The following DGKI variants were observed in gnomAD, a reference collection of about 807,000 sequenced individuals.
DGKI encodes DAG kinase iota.
DGKI carries 55 observed loss-of-function variants against 147.5 expected under a neutral mutation model. The ratio of observed to expected loss-of-function variants is 0.37; its 90% confidence interval spans 0.30 to 0.47. The LOEUF is 0.47. Ranked by LOEUF, DGKI falls within the 20% of genes least tolerant of loss-of-function variation. The probability of loss-of-function intolerance (pLI) is 1.00; values close to 1 mark genes in which losing one functional copy is unlikely to be tolerated. For synonymous variants in DGKI, 469 were observed against 477.1 expected (o/e 0.98, Z 0.22); for missense variants, 1,007 against 1,323.8 (o/e 0.76, Z 3.71).
At chr7:137,529,791 C>A (rs1817277933) in intron 20 of DGKI, among the ~76,000 whole-genome samples, 1 of 152,168 alleles carries the variant, frequency 6.6e-6, no homozygotes, top group African/African-American at 2.4e-5. Context: ...TGTCGCCCAC[C>A]CAGGCTGGAG....
intron 29 of DGKI, among the ~76,000 whole-genome samples, chr7:137,411,225 G>T (rs1398076399): frequency 1.3e-5 from 2 of 152,206 alleles, no homozygotes; most frequent in African/African-American, 4.8e-5. Context: ...ATACAGAGCA[G>T]ATCAGTTCCA....
At chr7:137,723,952 C>T (rs565592984) in intron 1 of DGKI, among the ~76,000 whole-genome samples, 20 of 151,954 alleles carry the variant, frequency 1.3e-4, no homozygotes, top group Non-Finnish European at 2.4e-4. Context: ...TTGTGATCCG[C>T]CCACCTCGGC....
At chr7:137,789,783 T>C (rs1439108129) in intron 1 of DGKI, among the ~76,000 whole-genome samples, 1 of 152,194 alleles carries the variant, frequency 6.6e-6, no homozygotes, top group Non-Finnish European at 1.5e-5. Context: ...TCCAACCTTA[T>C]TCTAAGGAGT....
At chr7:137,533,372 C>A (rs992176393) in intron 20 of DGKI, among the ~76,000 whole-genome samples, 2 of 151,864 alleles carry the variant, frequency 1.3e-5, no homozygotes, top group Non-Finnish European at 2.9e-5. Context: ...TTTGATGCTA[C>A]AAATACTAAA....
chr7:137,814,053 A>T (rs1797666862), intron 1 of DGKI, among the ~76,000 whole-genome samples: 1 of 152,204 alleles, frequency 6.6e-6, no homozygotes, highest in African/African-American at 2.4e-5. Context: ...TACTGCCTCT[A>T]TCGATCAATG....
At chr7:137,480,060 T>C (rs993800157) in intron 23 of DGKI, among the ~76,000 whole-genome samples, 21 of 152,072 alleles carry the variant, frequency 1.4e-4, no homozygotes, top group Non-Finnish European at 1.9e-4. Flanking sequence ...GGGTAGAAGA[T>C]AGAAATAAGC....
At position 137,432,717 on chromosome 7, in the gene DGKI, G is replaced by T. The variant is rs183259836; in HGVS notation, c.2761+11360C>A. Among the ~76,000 whole-genome samples, 4 of 152,294 alleles carry T rather than the reference G, an allele frequency of 2.6e-5. 1 individual carries two copies. Among genetic ancestry groups the T allele is most frequent in the Admixed American group, 2.6e-4 (4 of 15,306 alleles). On this transcript the variant is annotated intron_variant, in intron 28 of 32. Transcript: ENST00000614521. ...GATGTGAAATATTTATGAGATATGA[G>T]AAAGCCTGTCTCTTTAGCAGGGTAC...
intron 1 of DGKI, among the ~76,000 whole-genome samples, chr7:137,811,416 ACAC>A (rs1192155353): frequency 6.9e-6 from 1 of 144,434 alleles, no homozygotes; most frequent in Non-Finnish European, 1.5e-5. Flanking sequence ...ACACACACAC[ACAC>A]ACCATACTCA....
In DGKI at chr7:137,483,845, G is replaced by A. The variant is rs141180985; in HGVS notation, c.2373+1529C>T. Reference sequence around the variant, plus strand: ...CCACACTTTCTTTATCCAGTCTATCGTTGATGGGCATTTGGGTTGATTCCA... The same window carrying A: ...CCACACTTTCTTTATCCAGTCTATCATTGATGGGCATTTGGGTTGATTCCA... On this transcript the variant is annotated intron_variant, in intron 23 of 32. Transcript: ENST00000614521. Among the ~76,000 whole-genome samples, 358 of 151,964 alleles carry A rather than the reference G, an allele frequency of 2.4e-3. 3 individuals are homozygous for A. The highest frequency in any genetic ancestry group is 6.7e-3 in the African/African-American group (279 of 41,486).
At chr7:137,556,961 C>T (rs571414603) in intron 19 of DGKI, among the ~76,000 whole-genome samples, 2 of 152,082 alleles carry the variant, frequency 1.3e-5, no homozygotes, top group East Asian at 1.9e-4. Context: ...TGGGCCTCAT[C>T]CAACTTGCTG....
intron 19 of DGKI, among the ~76,000 whole-genome samples, chr7:137,568,590 G>A (rs553088564): frequency 5.3e-5 from 8 of 152,152 alleles, no homozygotes; most frequent in East Asian, 1.9e-4. Context: ...GTGGGCAGTC[G>A]CTGTATTTAT....
At chr7:137,710,774 A>G (rs1794185738) in intron 1 of DGKI, among the ~76,000 whole-genome samples, 1 of 152,128 alleles carries the variant, frequency 6.6e-6, no homozygotes, top group Non-Finnish European at 1.5e-5. Context: ...TAGAAGGAAA[A>G]TATTTATAAA....
chr7:137,381,938 T>C lies in DGKI; in HGVS notation c.*9282A>G, dbSNP rs973166720. On this transcript the variant is annotated 3_prime_UTR_variant, in exon 33 of 33. Coordinates refer to ENST00000614521, the MANE Select transcript of DGKI (RefSeq NM_001321708.2). ...AAAGTTCTACTTGCATTGGAAATTA[T>C]GCTTGTATGTAATTAGAGTCTCAAT... 11 of 152,252 alleles carry C rather than the reference T, an allele frequency of 7.2e-5. No individual in the cohort carries two copies. Among genetic ancestry groups the C allele is most frequent in the African/African-American group, 2.6e-4 (11 of 41,572 alleles). The allele number at this position is 152,252 out of a possible 1,614,324, so 9.4% of individuals were successfully genotyped here.
intron 20 of DGKI, among the ~76,000 whole-genome samples, chr7:137,533,427 T>C (rs1817409944): frequency 6.6e-6 from 1 of 152,138 alleles, no homozygotes; most frequent in South Asian, 2.1e-4. Context: ...TTATTGATAA[T>C]ATCATAATAG....
intron 27 of DGKI, among the ~76,000 whole-genome samples, chr7:137,459,793 C>T (rs966767747): frequency 6.6e-6 from 1 of 151,980 alleles, no homozygotes; most frequent in African/African-American, 2.4e-5. Context: ...ATTTTCTGTT[C>T]ATCATCTGTC....
In DGKI at chr7:137,413,862, G is replaced by T. The variant is rs952561278; in HGVS notation, c.2762-1655C>A. 7.2e-5 allele frequency among the ~76,000 whole-genome samples: 11 copies of T among 152,254 alleles called. No individual in the cohort carries two copies. The South Asian group carries it at 1.7e-3, about 23-fold the overall frequency. ...AAGTTCTTTGAGAAATCTCCAAACT[G>T]CTTTCCACAGTGGCTAAACTAATTT... On this transcript the variant is annotated intron_variant, in intron 28 of 32. Coordinates refer to ENST00000614521, the MANE Select transcript of DGKI (RefSeq NM_001321708.2).
intron 27 of DGKI, among the ~76,000 whole-genome samples, chr7:137,462,949 T>C (rs1814505825): frequency 6.6e-6 from 1 of 151,792 alleles, no homozygotes; most frequent in Non-Finnish European, 1.5e-5. Context: ...ACTGTTCTGA[T>C]CTACAAACAA....
At chr7:137,746,122 T>G (rs1281731691) in intron 1 of DGKI, among the ~76,000 whole-genome samples, 1 of 151,824 alleles carries the variant, frequency 6.6e-6, no homozygotes, top group African/African-American at 2.4e-5. Context: ...GAGATAGGGG[T>G]GTTTCTTGTT....
At chr7:137,635,472 C>A (rs1427173173) in intron 6 of DGKI, among the ~76,000 whole-genome samples, 1 of 152,184 alleles carries the variant, frequency 6.6e-6, no homozygotes, top group Admixed American at 6.5e-5. Context: ...TTCTTCAGGG[C>A]CTCAGTCAGC....
Sources: gnomAD v4.1 joint callset for allele counts (sites outside exome capture counted in the v4.1 genomes callset) on GRCh38, gnomAD v4.1.1 for gene constraint, MANE v1.5 for transcripts, NCBI Gene and HGNC (gene_info 2026-07-23, HGNC 2026-07-21) for gene names.